ASIC2: variants seen among roughly 807,000 people sequenced by gnomAD.
The protein encoded by ASIC2 is acid-sensing ion channel 2.
In ASIC2, 25 loss-of-function variants were observed where a neutral mutation model predicts 57.3. That is an observed-to-expected ratio of 0.44 (90% CI 0.32 to 0.61). The LOEUF is 0.61. Ranked by LOEUF, ASIC2 falls within the 20% of genes least tolerant of loss-of-function variation. The pLI is 0.06. For synonymous variants in ASIC2, 319 were observed against 307.5 expected (o/e 1.04, Z -0.39); for missense variants, 641 against 738.1 (o/e 0.87, Z 1.52).
chr17:33,838,920 T>C (rs1304740548), intron 1 of ASIC2, among the ~76,000 whole-genome samples: 1 of 152,224 alleles, frequency 6.6e-6, no homozygotes, highest in Admixed American at 6.5e-5. Context: ...TCTCAGATTT[T>C]AATGTGCATG....
intron 1 of ASIC2, among the ~76,000 whole-genome samples, chr17:33,898,784 G>C (rs1175443004): frequency 6.6e-6 from 1 of 152,060 alleles, no homozygotes; most frequent in East Asian, 1.9e-4. Flanking sequence ...TGGCAATTTT[G>C]ATGAGTATTG....
intron 1 of ASIC2, among the ~76,000 whole-genome samples, chr17:33,306,068 T>C (rs1906158978): frequency 6.6e-6 from 1 of 151,514 alleles, no homozygotes; most frequent in South Asian, 2.1e-4. Flanking sequence ...TGTTTCTCTC[T>C]CTTTCCTGTT....
chr17:33,903,179 G>A (rs531290327), intron 1 of ASIC2, among the ~76,000 whole-genome samples: 2 of 152,156 alleles, frequency 1.3e-5, no homozygotes, highest in South Asian at 2.1e-4. Context: ...TCAAAACCAT[G>A]GCAAATTAGC....
chr17:33,753,554 C>T (rs1910498707), intron 1 of ASIC2, among the ~76,000 whole-genome samples: 1 of 152,192 alleles, frequency 6.6e-6, no homozygotes, highest in Non-Finnish European at 1.5e-5. Context: ...AATGGGGCAA[C>T]CCCTAGAATC....
At chr17:33,813,874 C>A (rs1257720529) in intron 1 of ASIC2, among the ~76,000 whole-genome samples, 1 of 152,148 alleles carries the variant, frequency 6.6e-6, no homozygotes, top group Non-Finnish European at 1.5e-5. Flanking sequence ...CATACCCACA[C>A]GTTTCCGCAA....
intron 1 of ASIC2, among the ~76,000 whole-genome samples, chr17:33,518,788 C>T (rs1039906198): frequency 6.6e-6 from 1 of 151,734 alleles, no homozygotes; most frequent in Non-Finnish European, 1.5e-5. Context: ...GACACATTAA[C>T]TGATTTAATC....
At chr17:34,072,985 T>C (rs1400285690) in intron 1 of ASIC2, among the ~76,000 whole-genome samples, 1 of 152,176 alleles carries the variant, frequency 6.6e-6, no homozygotes, top group African/African-American at 2.4e-5. Flanking sequence ...AGAAAAAATA[T>C]ACATGGAAAA....
intron 1 of ASIC2, among the ~76,000 whole-genome samples, chr17:33,874,707 T>C (rs1914508913): frequency 6.6e-6 from 1 of 152,224 alleles, no homozygotes; most frequent in Non-Finnish European, 1.5e-5. Flanking sequence ...CCCACCCTCC[T>C]TTGCTGGCCT....
In ASIC2 at chr17:33,579,602, G is replaced by A. The variant is rs757793155; in HGVS notation, c.556-467535C>T. On this transcript the variant is annotated intron_variant, in intron 1 of 9. Coordinates refer to the ASIC2 transcript ENST00000359872. ...TTACAGCTCTTAAAGATGGTGTGTC[G>A]GGAGTTTGTTCCTTCAGGTGTTCAG... Among the ~76,000 whole-genome samples the A allele has an allele frequency of 6.6e-5, 10 of 151,814 alleles. No homozygotes were observed. The South Asian group carries it at 8.3e-4, about 13-fold the overall frequency.
At chr17:33,265,077 T>C (rs1345872191) in intron 1 of ASIC2, among the ~76,000 whole-genome samples, 1 of 152,220 alleles carries the variant, frequency 6.6e-6, no homozygotes, top group Non-Finnish European at 1.5e-5. Flanking sequence ...ACTGAGTTTC[T>C]TGGCCTCTCT....
Position 33,024,123 on chromosome 17 carries a change from G to T in ASIC2, c.1196-109C>A, listed in dbSNP as rs1160044066. The T allele has an allele frequency of 1.1e-4, 161 of 1,436,398 alleles. 5 individuals carry two copies. In the South Asian group the frequency reaches 2.0e-3, roughly 18 times the overall value. 89.0% of individuals were successfully genotyped at this position (1,436,398 alleles called of 1,614,324 possible). A position where few individuals can be genotyped will look rare whatever the true frequency, so the allele number is the denominator to read the frequency against. ...GAGAAATGAGCTGGGAAGGGGCACT[G>T]GTCTGGGGAAAGTGAGGGGCAGGGA... On this transcript the variant is annotated intron_variant, in intron 5 of 9. Transcript: ENST00000225823.
At position 33,393,558 on chromosome 17, in the gene ASIC2, C is replaced by T. The variant is rs567113419; in HGVS notation, c.556-281491G>A. On this transcript the variant is annotated intron_variant, in intron 1 of 9. Transcript: ENST00000359872. Reference sequence around the variant, plus strand: ...AGCTATGGATCAACATTTCAACCATCGACTAGTTGTGCTGCTTTGGGAAAG... The same window carrying T: ...AGCTATGGATCAACATTTCAACCATTGACTAGTTGTGCTGCTTTGGGAAAG... Among the ~76,000 whole-genome samples, 66 of 152,224 alleles carry T rather than the reference C, an allele frequency of 4.3e-4. 1 individual carries two copies. In the South Asian group the frequency reaches 7.3e-3, roughly 17 times the overall value.
intron 1 of ASIC2, among the ~76,000 whole-genome samples, chr17:33,413,738 T>G (rs1910742116): frequency 6.6e-6 from 1 of 152,240 alleles, no homozygotes; most frequent in African/African-American, 2.4e-5. Context: ...ACTCTTTAGC[T>G]CTCAGCTCAA....
Position 33,598,575 on chromosome 17 carries a change from A to G in ASIC2, c.556-486508T>C, listed in dbSNP as rs1349577973. Among the ~76,000 whole-genome samples the G allele has an allele frequency of 3.3e-5, 5 of 152,308 alleles. No individual in the cohort carries two copies. In the East Asian group the frequency reaches 9.7e-4, roughly 29 times the overall value. On this transcript the variant is annotated intron_variant, in intron 1 of 9. Coordinates refer to the ASIC2 transcript ENST00000359872. ...GGCTGGTATCAAAAGAGGATTTAAAAAGAAAATTTTACTCAAGGAGAAGAA... is the reference window on the plus strand; with the variant it reads ...GGCTGGTATCAAAAGAGGATTTAAAGAGAAAATTTTACTCAAGGAGAAGAA...
intron 1 of ASIC2, among the ~76,000 whole-genome samples, chr17:33,774,523 T>C (rs1481412184): frequency 6.6e-6 from 1 of 152,186 alleles, no homozygotes; most frequent in Non-Finnish European, 1.5e-5. Context: ...GCCTGCCATC[T>C]CTATTTTTAA....
chr17:33,584,794 G>A (rs1009826397), intron 1 of ASIC2, among the ~76,000 whole-genome samples: 7 of 152,068 alleles, frequency 4.6e-5, no homozygotes, highest in Admixed American at 3.3e-4. Context: ...AGAAGGATTC[G>A]GAAGCCTGAG....
chr17:33,914,207 C>T (rs1048936796), intron 1 of ASIC2, among the ~76,000 whole-genome samples: 3 of 152,206 alleles, frequency 2.0e-5, no homozygotes, highest in African/African-American at 4.8e-5. Flanking sequence ...ACATTGCAAA[C>T]GGTCCATTGT....
intron 1 of ASIC2, among the ~76,000 whole-genome samples, chr17:33,517,581 G>T (rs1383914427): frequency 1.3e-5 from 2 of 151,748 alleles, no homozygotes; most frequent in East Asian, 3.9e-4. Flanking sequence ...CTTAACTGGG[G>T]TTGGAGAATC....
chr17:33,177,442 G>A (rs1486088568), intron 1 of ASIC2, among the ~76,000 whole-genome samples: 1 of 152,202 alleles, frequency 6.6e-6, no homozygotes, highest in African/African-American at 2.4e-5. Context: ...GTCTTAGAGA[G>A]GAGGGCTTGC....
Sources: allele counts gnomAD v4.1 joint callset (sites outside exome capture counted in the v4.1 genomes callset), GRCh38; gene constraint gnomAD v4.1.1; transcripts MANE v1.5; gene names NCBI Gene and HGNC (gene_info 2026-07-23, HGNC 2026-07-21).